The following SEMA5A variants were observed in gnomAD, a reference collection of about 807,000 sequenced individuals.
The protein encoded by SEMA5A is semaphorin 5A, also known as semaphorin-5A.
In SEMA5A, 55 loss-of-function variants were observed where a neutral mutation model predicts 135.5. The ratio of observed to expected loss-of-function variants is 0.41; its 90% CI spans 0.33 to 0.51. The LOEUF (loss-of-function observed/expected upper bound fraction) is 0.51, where lower values mean the gene tolerates loss of function less well. Ranked by LOEUF, SEMA5A falls within the 20% of genes least tolerant of loss-of-function variation. The probability of loss-of-function intolerance (pLI) is 0.37; values close to 1 mark genes in which losing one functional copy is unlikely to be tolerated. For missense variants in SEMA5A, 1,290 were observed against 1,419.9 expected (o/e 0.91, Z 1.47); for synonymous variants, 580 against 546.5 (o/e 1.06, Z -0.85).
At chr5:9,450,497 C>T (rs1484416269) in intron 1 of SEMA5A, among the ~76,000 whole-genome samples, 1 of 152,058 alleles carries the variant, frequency 6.6e-6, no homozygotes, top group Non-Finnish European at 1.5e-5. Context: ...GCTGTCTGGA[C>T]TCCCATTCTC....
At chr5:9,411,545 C>A (rs1190325109) in intron 2 of SEMA5A, among the ~76,000 whole-genome samples, 1 of 152,220 alleles carries the variant, frequency 6.6e-6, no homozygotes, top group Non-Finnish European at 1.5e-5. Flanking sequence ...CCAGTCCCAT[C>A]ATTACCAGGT....
intron 16 of SEMA5A, among the ~76,000 whole-genome samples, chr5:9,076,862 C>T (rs540995062): frequency 9.9e-5 from 14 of 141,860 alleles, no homozygotes; most frequent in African/African-American, 3.6e-4. Flanking sequence ...CTATGCATTA[C>T]GATCTTTGTG....
intron 18 of SEMA5A, among the ~76,000 whole-genome samples, chr5:9,061,931 G>T (rs114994009): frequency 0.019 from 2,889 of 152,000 alleles, 94 homozygotes; most frequent in African/African-American, 0.066. Flanking sequence ...CGTGACCCTG[G>T]ATGACCACCT....
intron 4 of SEMA5A, among the ~76,000 whole-genome samples, chr5:9,333,845 T>C (rs190204541): frequency 6.6e-6 from 1 of 152,334 alleles, no homozygotes; most frequent in Admixed American, 6.5e-5. Context: ...TACTGTATAT[T>C]CTACATTTTG....
chr5:9,096,732 C>T (rs2150133827), intron 16 of SEMA5A, among the ~76,000 whole-genome samples: 1 of 152,082 alleles, frequency 6.6e-6, no homozygotes, highest in South Asian at 2.1e-4. Flanking sequence ...ATATAAAGAA[C>T]TCATACAACA....
chr5:9,404,746 T>C (rs1224869826), intron 2 of SEMA5A, among the ~76,000 whole-genome samples: 1 of 152,210 alleles, frequency 6.6e-6, no homozygotes, highest in Non-Finnish European at 1.5e-5. Context: ...TTCTGATAGC[T>C]AGTTATTGAG....
In SEMA5A at chr5:9,425,056, G is replaced by A. The variant is rs575110041; in HGVS notation, c.-78+12700C>T. On this transcript the variant is annotated intron_variant, in intron 2 of 22. Coordinates refer to ENST00000382496, the MANE Select transcript of SEMA5A (RefSeq NM_003966.3). ...CCCCTAATAGACATAGAAGTTTCATGTCCCGGCTTACAAAGCCCTACATAT... is the reference window on the plus strand; with the variant it reads ...CCCCTAATAGACATAGAAGTTTCATATCCCGGCTTACAAAGCCCTACATAT... 1.4e-4 allele frequency among the ~76,000 whole-genome samples: 21 copies of A among 152,240 alleles called. No homozygotes were observed. The South Asian group carries it at 3.3e-3, about 24-fold the overall frequency.
At chr5:9,348,781 A>G (rs1036732483) in intron 3 of SEMA5A, among the ~76,000 whole-genome samples, 9 of 152,240 alleles carry the variant, frequency 5.9e-5, no homozygotes, top group Non-Finnish European at 1.3e-4. Context: ...AGTGATAGCC[A>G]GAAGACTGAC....
rs1270315453 is a variant in SEMA5A, at chr5:9,044,443, G to A, written c.3035C>T (p.Ala1012Val). 1 of 1,613,832 alleles carries A rather than the reference G, an allele frequency of 6.2e-7. No individual in the cohort carries two copies. The highest frequency in any genetic ancestry group is 1.3e-5 in the African/African-American group (1 of 74,892). The part of the protein sequence containing the change: ...DATVIHPVSP[A>V]PLNTSITNHI... ...GTTGGTTATGCTGGTATTAAGGGGG[G>A]CAGGTGAGACGGGGTGGATGACAGT... is the stretch of plus-strand genomic sequence containing the variant. The change falls in exon 22 of 23, where the codon GCC (alanine) becomes GTC (valine). Residue 1012 changes from alanine (A) to valine (V), a missense_variant. Transcript: ENST00000382496.
intron 1 of SEMA5A, among the ~76,000 whole-genome samples, chr5:9,465,374 A>G (rs1428558283): frequency 6.6e-6 from 1 of 152,222 alleles, no homozygotes; most frequent in Non-Finnish European, 1.5e-5. Context: ...GTTGGGAGAA[A>G]TTTATGCATC....
chr5:9,533,285 C>T (rs1737559862), intron 1 of SEMA5A, among the ~76,000 whole-genome samples: 1 of 152,182 alleles, frequency 6.6e-6, no homozygotes, highest in African/African-American at 2.4e-5. Flanking sequence ...CAGAGACATG[C>T]TCCTAGTTAC....
intron 8 of SEMA5A, among the ~76,000 whole-genome samples, chr5:9,219,147 T>A (rs1408162914): frequency 6.6e-6 from 1 of 152,210 alleles, no homozygotes; most frequent in Admixed American, 6.5e-5. Flanking sequence ...ACTGTCTATC[T>A]CAAAGCTTCA....
At chr5:9,118,964 G>A (rs761221547) in intron 15 of SEMA5A, 34 bp downstream of exon 15, 2 of 1,606,818 alleles carry the variant, frequency 1.2e-6, no homozygotes, top group Non-Finnish European at 1.7e-6. Context: ...GTAAGCGTGA[G>A]GCTGGCGGTG....
At chr5:9,448,313 T>A (rs1214240776) in intron 1 of SEMA5A, among the ~76,000 whole-genome samples, 1 of 152,192 alleles carries the variant, frequency 6.6e-6, no homozygotes, top group African/African-American at 2.4e-5. Flanking sequence ...GTCCACTCTG[T>A]GGAACTAAAT....
intron 14 of SEMA5A, among the ~76,000 whole-genome samples, chr5:9,120,783 G>GTT (rs1740772229): frequency 7.9e-6 from 1 of 126,302 alleles, no homozygotes; most frequent in South Asian, 2.6e-4. Flanking sequence ...AATGTGGATT[G>GTT]ATTTTTTTTT....
intron 12 of SEMA5A, among the ~76,000 whole-genome samples, chr5:9,138,073 G>A (rs1371924484): frequency 6.6e-6 from 1 of 152,160 alleles, no homozygotes; most frequent in Non-Finnish European, 1.5e-5. Flanking sequence ...ATTACCTAAA[G>A]AAGTGCAAAT....
chr5:9,167,071 G>T (rs1743649376), intron 11 of SEMA5A, among the ~76,000 whole-genome samples: 2 of 152,080 alleles, frequency 1.3e-5, no homozygotes, highest in East Asian at 3.9e-4. Context: ...AAGCACTTTT[G>T]CACTTTTGAA....
chr5:9,083,334 T>C (rs1309952968), intron 16 of SEMA5A, among the ~76,000 whole-genome samples: 2 of 152,176 alleles, frequency 1.3e-5, no homozygotes. Context: ...CAATTTACTA[T>C]GGGAAATTAA....
chr5:9,066,228 A>T (rs1737457467), intron 17 of SEMA5A, among the ~76,000 whole-genome samples, 193 bp downstream of exon 17: 3 of 152,124 alleles, frequency 2.0e-5, no homozygotes, highest in Admixed American at 6.5e-5. Context: ...TCAATATCTA[A>T]CTTCTTACAG....
Sources: gnomAD v4.1 joint callset for allele counts (sites outside exome capture counted in the v4.1 genomes callset) on GRCh38, gnomAD v4.1.1 for gene constraint, MANE v1.5 for transcripts, NCBI Gene and HGNC (gene_info 2026-07-23, HGNC 2026-07-21) for gene names.